PDZRN3: variants seen among roughly 807,000 people sequenced by gnomAD.
PDZRN3 encodes PDZ domain containing ring finger 3.
Under a neutral mutation model 85.7 loss-of-function variants are expected in PDZRN3, and 38 were observed. The observed-to-expected ratio is 0.44, with a 90% CI of 0.34 to 0.58. The LOEUF (loss-of-function observed/expected upper bound fraction) is 0.58. PDZRN3 is among the 20% of genes least tolerant of loss of function. The pLI is 0.01. For missense variants in PDZRN3, 1,629 were observed against 1,506.4 expected, an observed-to-expected ratio of 1.08 and a Z score of -1.35; for synonymous variants, 759 against 638.0, an observed-to-expected ratio of 1.19 and a Z score of -2.86.
rs1258969201 is a variant in PDZRN3 at position 73,624,121 on chromosome 3, G to C, written c.705C>G (p.Ala235=). ...CGCCTACCTTGCCGCCGGGCGGCGC[G>C]GCCACGCAGCGGCTGAGCGAGTCGA... ...ARLDSLSRCV[A]APPGGKGEET... is the part of the protein sequence containing the mutation. The change falls in exon 1 of 10, where the codon GCC becomes GCG. Residue 235 remains alanine (A), a synonymous_variant. Transcript: ENST00000263666. 6.8e-7 allele frequency: 1 copy of C among 1,466,972 alleles called. No individual in the cohort carries two copies. Among genetic ancestry groups the C allele is most frequent in the South Asian group, 1.3e-5 (1 of 76,232 alleles). The allele number at this position is 1,466,972 out of a possible 1,614,324, so 90.9% of individuals were successfully genotyped here. A position where few individuals can be genotyped will look rare whatever the true frequency, so the allele number is the denominator to read the frequency against.
At chr3:73,392,344 T>TTAAG (rs1312098398) in intron 5 of PDZRN3, among the ~76,000 whole-genome samples, 3 of 152,250 alleles carry the variant, frequency 2.0e-5, no homozygotes, top group Non-Finnish European at 4.4e-5. Context: ...TCAAAAGGTT[T>TTAAG]TAAGTGAGGA....
At position 73,566,318 on chromosome 3, in the gene PDZRN3, A is replaced by T. The variant is rs147214094; in HGVS notation, c.918+36036T>A. Among the ~76,000 whole-genome samples the T allele has an allele frequency of 5.3e-3, 812 of 152,320 alleles. 7 individuals carry two copies. The highest frequency in any genetic ancestry group is 0.019 in the African/African-American group (785 of 41,546). On this transcript the variant is annotated intron_variant, in intron 3 of 9. Transcript: ENST00000263666. ...GTCTTTAGATTAAAATGGAATTATA[A>T]CATTTTCTCAAAATATTTACATGAA...
intron 3 of PDZRN3, among the ~76,000 whole-genome samples, chr3:73,415,818 A>T (rs893848990): frequency 3.9e-5 from 6 of 152,178 alleles, no homozygotes; most frequent in Non-Finnish European, 7.4e-5. Flanking sequence ...GTTAAGGAAC[A>T]CCTGTACATA....
In PDZRN3 at chr3:73,385,767, CCATCCAGCCCT is replaced by C; in HGVS notation, c.1526_1536del (p.Glu509GlyfsTer2). 1.9e-6 allele frequency: 3 copies of C among 1,611,334 alleles called. No individual in the cohort carries two copies. Among genetic ancestry groups the C allele is most frequent in the Non-Finnish European group, 1.7e-6 (2 of 1,177,416 alleles). ...TCCAGAAAGTCGTTCCTGTCATCAT[CCATCCAGCCCT>C]CATCCAGCTGCAGGCAAGAGCAGCC... is the stretch of plus-strand genomic sequence containing the variant. On this transcript the variant is annotated frameshift_variant, in exon 9 of 10. Transcript: ENST00000263666. LOFTEE classifies it high-confidence loss of function.
At position 73,383,981 on chromosome 3, in the gene PDZRN3, G is replaced by C. The variant is rs1007835125; in HGVS notation, c.2585C>G (p.Ser862Cys). 1 of 1,593,976 alleles carries C rather than the reference G, an allele frequency of 6.3e-7. No individual in the cohort carries two copies. Among genetic ancestry groups the C allele is most frequent in the Non-Finnish European group, 8.5e-7 (1 of 1,171,598 alleles). Residue 862 changes from serine (S) to cysteine (C), a missense_variant, in exon 10 of 10, where the codon TCC (serine) becomes TGC (cysteine). By Grantham distance (112) the Ser-to-Cys change is moderately radical. Coordinates refer to ENST00000263666, the MANE Select transcript of PDZRN3 (RefSeq NM_015009.3). ...SQKLGSAYLP[S>C]YHHSPYKHAH... ...GTGCTTGTATGGGGAGTGGTGATAG[G>C]AGGGCAGGTAGGCGCTGCCCAGCTT... is the stretch of plus-strand genomic sequence containing the variant.
At position 73,384,346 on chromosome 3, in the gene PDZRN3, G is replaced by C; in HGVS notation, c.2220C>G (p.Leu740=). ...TCTCCGGGAGCTCGGTGATATCTGA[G>C]AGCTCGTGTCTGCGCACGTCGATGC... ...NTSIDVRRHE[L]SDITELPEKS... is the part of the protein sequence containing the mutation. Residue 740 remains leucine, a synonymous_variant, in exon 10 of 10, where the codon CTC becomes CTG. Coordinates refer to ENST00000263666, the MANE Select transcript of PDZRN3 (RefSeq NM_015009.3). 1 of 1,610,254 alleles carries C rather than the reference G, an allele frequency of 6.2e-7. No homozygotes were observed. The highest frequency in any genetic ancestry group is 8.5e-7 in the Non-Finnish European group (1 of 1,179,972).
At chr3:73,461,496 T>A (rs967501983) in intron 3 of PDZRN3, among the ~76,000 whole-genome samples, 2 of 152,192 alleles carry the variant, frequency 1.3e-5, no homozygotes, top group Non-Finnish European at 2.9e-5. Context: ...TAGGTAATGG[T>A]CACCACAAAT....
At chr3:73,431,766 T>C (rs1474882513) in intron 3 of PDZRN3, among the ~76,000 whole-genome samples, 1 of 152,162 alleles carries the variant, frequency 6.6e-6, no homozygotes, top group Non-Finnish European at 1.5e-5. Flanking sequence ...TACTGAGCAA[T>C]GCTTCAGCCA....
At chr3:73,393,382 C>T (rs1195308366) in intron 5 of PDZRN3, among the ~76,000 whole-genome samples, 1 of 152,196 alleles carries the variant, frequency 6.6e-6, no homozygotes, top group Non-Finnish European at 1.5e-5. Context: ...AAGCGTGCTT[C>T]CTGGTCATGA....
At position 73,383,828 on chromosome 3, in the gene PDZRN3, G is replaced by A; in HGVS notation, c.2738C>T (p.Thr913Ile). ...VSMCKDLSSPTPSEPRMEWKV... is the reference protein window; with the variant it reads ...VSMCKDLSSPIPSEPRMEWKV... ...CCACTCCATGCGCGGCTCCGACGGG[G>A]TGGGAGAGCTCAGGTCCTTGCACAT... Residue 913 changes from threonine (T) to isoleucine (I), a missense_variant, in exon 10 of 10, where the codon ACC becomes ATC. Transcript: ENST00000263666. 6.2e-7 allele frequency: 1 copy of A among 1,613,594 alleles called. No individual in the cohort carries two copies. Among genetic ancestry groups the A allele is most frequent in the South Asian group, 1.1e-5 (1 of 91,082 alleles).
chr3:73,569,359 G>A (rs1702007956), intron 3 of PDZRN3: 2 of 1,203,276 alleles, frequency 1.7e-6, no homozygotes, highest in African/African-American at 3.2e-5. Flanking sequence ...CTTTAGTGAG[G>A]AGGCTGGGAG....
intron 3 of PDZRN3, among the ~76,000 whole-genome samples, chr3:73,410,128 C>T (rs887002035): frequency 6.6e-6 from 1 of 152,048 alleles, no homozygotes; most frequent in South Asian, 2.1e-4. Flanking sequence ...AAGCAATAGA[C>T]GATAATACAC....
At chr3:73,467,559 G>T (rs1474664181) in intron 3 of PDZRN3, among the ~76,000 whole-genome samples, 2 of 152,146 alleles carry the variant, frequency 1.3e-5, no homozygotes, top group African/African-American at 4.8e-5. Context: ...AGAGGGTTTG[G>T]CTTTATCAAA....
At chr3:73,533,768 G>A (rs1453214481) in intron 3 of PDZRN3, among the ~76,000 whole-genome samples, 1 of 152,270 alleles carries the variant, frequency 6.6e-6, no homozygotes, top group South Asian at 2.1e-4. Context: ...CTATAGGTGT[G>A]TTACTGGGTG....
At chr3:73,477,246 T>C (rs549577437) in intron 3 of PDZRN3, among the ~76,000 whole-genome samples, 1 of 152,282 alleles carries the variant, frequency 6.6e-6, no homozygotes, top group African/African-American at 2.4e-5. Flanking sequence ...AGACTATTAT[T>C]ATACCCATTA....
intron 1 of PDZRN3, among the ~76,000 whole-genome samples, chr3:73,611,800 G>A (rs940508475): frequency 2.0e-5 from 3 of 152,116 alleles, no homozygotes; most frequent in South Asian, 2.1e-4. Context: ...AATTGAGATT[G>A]TAAACAGATA....
intron 7 of PDZRN3, 180 bp from the exon 8 acceptor site, chr3:73,388,249 A>G: frequency 2.0e-6 from 1 of 498,232 alleles, no homozygotes; most frequent in Non-Finnish European, 3.5e-6. Context: ...TGCTCAGACC[A>G]ATGCAGTTTC....
intron 3 of PDZRN3, among the ~76,000 whole-genome samples, chr3:73,575,846 A>G (rs546419654): frequency 6.6e-6 from 1 of 152,246 alleles, no homozygotes; most frequent in South Asian, 2.1e-4. Context: ...CTTTATGGTG[A>G]TCTAACCAAT....
At chr3:73,545,268 A>G (rs1357490470) in intron 3 of PDZRN3, among the ~76,000 whole-genome samples, 1 of 152,148 alleles carries the variant, frequency 6.6e-6, no homozygotes, top group Non-Finnish European at 1.5e-5. Context: ...TAAAGCCTCC[A>G]TAGGTGATAA....
Sources: allele counts gnomAD v4.1 joint callset (sites outside exome capture counted in the v4.1 genomes callset), GRCh38; gene constraint gnomAD v4.1.1; transcripts MANE v1.5; gene names NCBI Gene and HGNC (gene_info 2026-07-23, HGNC 2026-07-21).